The following CCZ1B variants were observed in gnomAD, a reference collection of about 807,000 sequenced individuals.
CCZ1B encodes vacuolar fusion protein CCZ1 homolog B.
In CCZ1B, 25 loss-of-function variants were observed where a neutral mutation model predicts 58.8. The ratio of observed to expected loss-of-function variants is 0.43; its 90% CI spans 0.31 to 0.59. The LOEUF is 0.59. CCZ1B is among the 20% of genes least tolerant of loss of function. The pLI, the probability that CCZ1B is intolerant of heterozygous loss-of-function variation, is 0.12. For synonymous variants in CCZ1B, 66 were observed against 173.2 expected (o/e 0.38, Z 4.86); for missense variants, 180 against 501.5 (o/e 0.36, Z 6.12).
At position 6,819,813 on chromosome 7, in the gene CCZ1B, C is replaced by T; in HGVS notation, c.651G>A (p.Leu217=). 1 of 1,564,870 alleles carries T rather than the reference C, an allele frequency of 6.4e-7. No individual in the cohort carries two copies. Among genetic ancestry groups the T allele is most frequent in the Non-Finnish European group, 8.7e-7 (1 of 1,144,752 alleles). The change falls in exon 7 of 15, where the codon CTG becomes CTA. Residue 217 remains leucine, a synonymous_variant. Transcript: ENST00000316731. ...QSFINRMEES[L]NIVKYTAFLY... Reference sequence around the variant, plus strand: ...GAAAAGCAGTGTATTTGACTATATTCAGGCTTTCCTCCATTCTATTAATAA... The same window carrying T: ...GAAAAGCAGTGTATTTGACTATATTTAGGCTTTCCTCCATTCTATTAATAA...
Position 6,814,769 on chromosome 7 carries a change from G to A in CCZ1B, c.775C>T (p.Pro259Ser). 1 of 1,607,004 alleles carries A rather than the reference G, an allele frequency of 6.2e-7. No individual in the cohort carries two copies. Among genetic ancestry groups the A allele is most frequent in the South Asian group, 1.1e-5 (1 of 90,512 alleles). ...TTSLFPRHIE[P>S]ELAGRDSPIR... ...AGCTATGGTACCCATCATACCTCAG[G>A]TTCGATGTGCCTTGGGAAAAGGGAG... Residue 259 changes from proline (P) to serine (S), a missense_variant, in exon 8 of 15, where the codon CCT becomes TCT. Transcript: ENST00000316731.
intron 7 of CCZ1B, among the ~76,000 whole-genome samples, chr7:6,816,894 GACTCT>G (rs1269261772): frequency 6.6e-6 from 1 of 150,602 alleles, no homozygotes. Flanking sequence ...CTGTAGTTGG[GACTCT>G]AAGTGCACAC....
chr7:6,814,688 T>G (rs1006069962), intron 8 of CCZ1B, 76 bp downstream of exon 8: 20 of 1,309,558 alleles, frequency 1.5e-5, no homozygotes, highest in Non-Finnish European at 2.1e-5. Context: ...AACACCCCCA[T>G]GCACCACCAT....
chr7:6,808,284 C>T lies in CCZ1B; in HGVS notation c.955-2247G>A, dbSNP rs563092084. Reference sequence around the variant, plus strand: ...CTCCACAGACACAGCCACACATCCTCGATGGGGAAACACTCACTGGGCTGT... The same window carrying T: ...CTCCACAGACACAGCCACACATCCTTGATGGGGAAACACTCACTGGGCTGT... On this transcript the variant is annotated intron_variant, in intron 10 of 14. Transcript: ENST00000316731. Among the ~76,000 whole-genome samples, 8 of 122,708 alleles carry T rather than the reference C, an allele frequency of 6.5e-5. 1 individual carries two copies. The East Asian group carries it at 1.7e-3, about 26-fold the overall frequency. 80.5% of individuals were successfully genotyped at this position (122,708 alleles called of 152,430 possible).
intron 8 of CCZ1B, among the ~76,000 whole-genome samples, chr7:6,813,264 G>C (rs1458589226): frequency 6.7e-6 from 1 of 149,432 alleles, no homozygotes; most frequent in Non-Finnish European, 1.5e-5. Flanking sequence ...CCTCCTGATA[G>C]AGGCATGTGT....
At chr7:6,812,207 G>A (rs1439144488) in intron 9 of CCZ1B, 144 bp from the exon 10 acceptor site, 12 of 881,980 alleles carry the variant, frequency 1.4e-5, no homozygotes, top group East Asian at 5.1e-5. Context: ...AGAATAGGCC[G>A]GCTGGGCGTG....
chr7:6,815,837 ACT>A (rs1437115682), intron 7 of CCZ1B, among the ~76,000 whole-genome samples: 2 of 147,874 alleles, frequency 1.4e-5, no homozygotes, highest in African/African-American at 5.2e-5. Flanking sequence ...CCAAAGCCAC[ACT>A]GTTTCATTTT....
Position 6,819,931 on chromosome 7 carries a change from G to A in CCZ1B, c.533C>T (p.Thr178Met), listed in dbSNP as rs139495126. 2.2e-4 allele frequency: 357 copies of A among 1,606,014 alleles called. 3 individuals carry two copies. The East Asian group carries it at 7.1e-3, about 32-fold the overall frequency. The part of the protein sequence containing the change: ...LEKFFHRYLQ[T>M]LHLQSCDLLD... ...TAGGTCACATGACTGCAAATGTAGCGTTTGCAAATACTGTGGAAAAAAAAT... is the reference window on the plus strand; with the variant it reads ...TAGGTCACATGACTGCAAATGTAGCATTTGCAAATACTGTGGAAAAAAAAT... Residue 178 changes from threonine to methionine, a missense_variant, in exon 7 of 15, where the codon ACG (threonine) becomes ATG (methionine). By Grantham distance (81) the Thr-to-Met change is moderately conservative. Transcript: ENST00000316731.
At position 6,823,044 on chromosome 7, in the gene CCZ1B, G is replaced by T. The variant is rs868196810; in HGVS notation, c.438+269C>A. The stretch of plus-strand genomic sequence containing the variant: ...TAAATCATAAAATTATCTGCATTCT[G>T]TATGTTCCTTGAGCACATAGATACA... On this transcript the variant is annotated intron_variant, in intron 5 of 14. Transcript: ENST00000316731. 6.8e-5 allele frequency among the ~76,000 whole-genome samples: 10 copies of T among 147,210 alleles called. 1 individual carries two copies. The highest frequency in any genetic ancestry group is 4.3e-4 in the South Asian group (2 of 4,598).
Position 6,817,457 on chromosome 7 carries a change from G to A in CCZ1B, c.698+2309C>T, listed in dbSNP as rs181415000. Among the ~76,000 whole-genome samples, 36 of 150,194 alleles carry A rather than the reference G, an allele frequency of 2.4e-4. 4 individuals carry two copies. The highest frequency in any genetic ancestry group is 8.7e-4 in the African/African-American group (35 of 40,046). On this transcript the variant is annotated intron_variant, in intron 7 of 14. Transcript: ENST00000316731. ...CTTTTTGGTGGAAGCAAGGCCATGG[G>A]CCACTACTGCTGGATTCTGGCTTGT...
At chr7:6,808,790 C>A (rs1782874402) in intron 10 of CCZ1B, among the ~76,000 whole-genome samples, 1 of 152,126 alleles carries the variant, frequency 6.6e-6, no homozygotes. Flanking sequence ...CTCACTGCAA[C>A]CTCCGCCTCC....
At position 6,822,229 on chromosome 7, in the gene CCZ1B, A is replaced by G. The variant is rs1237580918; in HGVS notation, c.522+52T>C. ...CAAACTTGTCTGTCTATATTTCTCT[A>G]AAAACCTGATGAATGCTTAGTAAAG... On this transcript the variant is annotated intron_variant, in intron 6 of 14. Transcript: ENST00000316731. 66 of 1,560,174 alleles carry G rather than the reference A, an allele frequency of 4.2e-5. 2 individuals carry two copies. Among genetic ancestry groups the G allele is most frequent in the Admixed American group, 4.3e-5 (2 of 46,610 alleles).
intron 6 of CCZ1B, among the ~76,000 whole-genome samples, chr7:6,820,719 T>G (rs1380895015): frequency 6.7e-6 from 1 of 148,624 alleles, no homozygotes; most frequent in East Asian, 2.0e-4. Flanking sequence ...GTCAGGAGTT[T>G]GAGACCAGCC....
At position 6,823,232 on chromosome 7, in the gene CCZ1B, G is replaced by A. The variant is rs1322194620; in HGVS notation, c.438+81C>T. Reference sequence around the variant, plus strand: ...CAGAGTCACTTTGCAGTCATTTATAGACTTCTCTTTAAACAACCCTGGAGC... The same window carrying A: ...CAGAGTCACTTTGCAGTCATTTATAAACTTCTCTTTAAACAACCCTGGAGC... On this transcript the variant is annotated intron_variant, in intron 5 of 14. Transcript: ENST00000316731. 12 of 1,568,338 alleles carry A rather than the reference G, an allele frequency of 7.7e-6. No homozygotes were observed. The Admixed American group carries it at 2.1e-4, about 28-fold the overall frequency.
rs564204574 is a variant in CCZ1B at position 6,819,305 on chromosome 7, G to A, written c.698+461C>T. Among the ~76,000 whole-genome samples, 80 of 145,436 alleles carry A rather than the reference G, an allele frequency of 5.5e-4. 7 individuals are homozygous for A. Among genetic ancestry groups the A allele is most frequent in the African/African-American group, 2.0e-3 (75 of 37,918 alleles). ...GGCTGGGGTACAGTGGTGCCATCTC[G>A]GCTCACTGCAACCTCCGCCTCCCGG... On this transcript the variant is annotated intron_variant, in intron 7 of 14. Transcript: ENST00000316731.
At chr7:6,818,721 A>C (rs1170499339) in intron 7 of CCZ1B, among the ~76,000 whole-genome samples, 1 of 144,834 alleles carries the variant, frequency 6.9e-6, no homozygotes, top group Admixed American at 7.0e-5. Flanking sequence ...ACAAGAAAGA[A>C]AGAAAGAAAG....
At position 6,816,441 on chromosome 7, in the gene CCZ1B, A is replaced by G. The variant is rs574125588; in HGVS notation, c.699-1596T>C. On this transcript the variant is annotated intron_variant, in intron 7 of 14. Transcript: ENST00000316731. ...GGCTGAAGTGAGCTGAGATCACACC[A>G]CTGCACTCTAGCCTGGGCAACCAAG... Among the ~76,000 whole-genome samples the G allele has an allele frequency of 2.5e-4, 37 of 149,140 alleles. 1 individual carries two copies. The highest frequency in any genetic ancestry group is 3.4e-3 in the Middle Eastern group (1 of 290).
intron 12 of CCZ1B, among the ~76,000 whole-genome samples, chr7:6,801,963 T>C (rs75956511): frequency 0.075 from 8,038 of 106,694 alleles, 1,449 homozygotes; most frequent in African/African-American, 0.23. Flanking sequence ...ACCAAAATGA[T>C]AGTTGAGTAG....
At chr7:6,824,316 T>A (rs1429480122) in intron 3 of CCZ1B, 139 bp downstream of exon 3, 59 of 1,439,908 alleles carry the variant, frequency 4.1e-5, no homozygotes, top group Non-Finnish European at 5.4e-5. Context: ...AGGAAGAACT[T>A]GATTTTAAAA....
Sources: gnomAD v4.1 joint callset for allele counts (sites outside exome capture counted in the v4.1 genomes callset) on GRCh38, gnomAD v4.1.1 for gene constraint, MANE v1.5 for transcripts, NCBI Gene and HGNC (gene_info 2026-07-23, HGNC 2026-07-21) for gene names.